Variants in SHANK2 observed in about 807,000 individuals in gnomAD.
SHANK2 encodes SH3 and multiple ankyrin repeat domains protein 2.
In SHANK2, 43 loss-of-function variants were observed where a neutral mutation model predicts 133.7. The ratio of observed to expected loss-of-function variants is 0.32; its 90% confidence interval spans 0.25 to 0.41. The LOEUF is 0.41. SHANK2 is among the 10% of genes least tolerant of loss of function. The pLI is 1.00. For synonymous variants in SHANK2, 1,017 were observed against 952.8 expected (o/e 1.07, Z -1.24); for missense variants, 1,994 against 2,235.8 (o/e 0.89, Z 2.18).
At chr11:70,671,091 A>G (rs1944794551) in intron 15 of SHANK2, among the ~76,000 whole-genome samples, 1 of 152,228 alleles carries the variant, frequency 6.6e-6, no homozygotes, top group African/African-American at 2.4e-5. Context: ...ATGTACAAAG[A>G]ACTTGATTCA....
chr11:70,831,796 C>T (rs189756313), intron 11 of SHANK2, among the ~76,000 whole-genome samples: 45 of 152,358 alleles, frequency 3.0e-4, no homozygotes, highest in Non-Finnish European at 6.0e-4. Context: ...CGTTCAGTGG[C>T]GATCAGACGC....
At chr11:70,885,763 G>A (rs1226090321) in intron 11 of SHANK2, among the ~76,000 whole-genome samples, 8 of 152,184 alleles carry the variant, frequency 5.3e-5, no homozygotes, top group African/African-American at 1.9e-4. Flanking sequence ...CAAGACGGCT[G>A]ATCCTCCAGC....
intron 9 of SHANK2, among the ~76,000 whole-genome samples, chr11:71,066,800 G>T (rs1220308327): frequency 2.6e-5 from 4 of 152,144 alleles, no homozygotes; most frequent in African/African-American, 7.2e-5. Flanking sequence ...ATTGGGACAG[G>T]GCTGGAACCT....
At chr11:70,581,327 G>A (rs1554985405) in intron 17 of SHANK2, among the ~76,000 whole-genome samples, 1 of 150,706 alleles carries the variant, frequency 6.6e-6, no homozygotes, top group East Asian at 2.0e-4. Flanking sequence ...TTACATTAAG[G>A]TTGTTGGTGC....
intron 14 of SHANK2, among the ~76,000 whole-genome samples, chr11:70,717,468 C>T (rs1023230714): frequency 9.2e-5 from 14 of 152,282 alleles, no homozygotes; most frequent in African/African-American, 2.4e-4. Context: ...CAGAAGCAGG[C>T]GAAAGCCGTG....
At chr11:71,238,045 G>C (rs1040259373) in intron 1 of SHANK2, among the ~76,000 whole-genome samples, 18 of 152,302 alleles carry the variant, frequency 1.2e-4, no homozygotes, top group South Asian at 2.1e-4. Flanking sequence ...CACGGACTGA[G>C]GGTGGGACTC....
At chr11:70,852,414 G>T (rs981926639) in intron 11 of SHANK2, among the ~76,000 whole-genome samples, 2 of 152,222 alleles carry the variant, frequency 1.3e-5, no homozygotes, top group African/African-American at 4.8e-5. Context: ...TTGTGTTTGT[G>T]GGATGCAGAG....
chr11:70,685,255 C>T (rs1278121159), intron 15 of SHANK2, among the ~76,000 whole-genome samples: 7 of 152,194 alleles, frequency 4.6e-5, no homozygotes, highest in African/African-American at 1.4e-4. Context: ...CTTTTGAACT[C>T]GCTTTTTCCA....
intron 1 of SHANK2, among the ~76,000 whole-genome samples, chr11:71,225,186 G>A (rs556007168): frequency 2.6e-5 from 4 of 152,288 alleles, no homozygotes; most frequent in South Asian, 4.1e-4. Flanking sequence ...CTAGGAAAGC[G>A]GCAGCTAACA....
chr11:71,139,054 T>C (rs1365662152), intron 3 of SHANK2, among the ~76,000 whole-genome samples: 3 of 152,036 alleles, frequency 2.0e-5, no homozygotes, highest in African/African-American at 7.2e-5. Flanking sequence ...GCAGTGCAAA[T>C]GCTTTTTCCT....
intron 14 of SHANK2, among the ~76,000 whole-genome samples, chr11:70,783,065 T>C (rs1947544800): frequency 2.0e-5 from 3 of 152,016 alleles, no homozygotes; most frequent in Admixed American, 2.0e-4. Context: ...TCTCTGTCTC[T>C]GTCTTTCTGC....
intron 9 of SHANK2, among the ~76,000 whole-genome samples, chr11:71,068,114 C>T (rs1171463748): frequency 1.3e-5 from 2 of 152,080 alleles, no homozygotes; most frequent in Non-Finnish European, 2.9e-5. Context: ...CATCACCTGC[C>T]GTCACTCACC....
rs570874992 is a variant in SHANK2 at position 70,469,642 on chromosome 11, CAAAAA to C, written c.*3222_*3226del. On this transcript the variant is annotated 3_prime_UTR_variant, in exon 26 of 26. Coordinates refer to ENST00000601538, the MANE Select transcript of SHANK2 (RefSeq NM_012309.5). ...GTGAAACATATTAGTATTTAAAAAA[CAAAAA>C]AAAATTGTTAATGGGAAAATCAATA... The C allele has an allele frequency of 6.8e-6, 1 of 147,976 alleles. No homozygotes were observed. Among genetic ancestry groups the C allele is most frequent in the Admixed American group, 6.7e-5 (1 of 14,862 alleles). The allele number at this position is 147,976 out of a possible 1,614,324, so 9.2% of individuals were successfully genotyped here.
intron 7 of SHANK2, among the ~76,000 whole-genome samples, chr11:71,094,175 G>C (rs1400148716): frequency 6.6e-6 from 1 of 152,098 alleles, no homozygotes; most frequent in African/African-American, 2.4e-5. Context: ...CTCAGGAATG[G>C]CTTAACACCA....
chr11:70,854,144 G>A (rs61885484), intron 11 of SHANK2, among the ~76,000 whole-genome samples: 1 of 152,146 alleles, frequency 6.6e-6, no homozygotes, highest in African/African-American at 2.4e-5. Context: ...ATATGTACAC[G>A]CATTTACCCC....
chr11:71,088,317 C>T (rs1233881445), intron 8 of SHANK2, among the ~76,000 whole-genome samples: 1 of 152,196 alleles, frequency 6.6e-6, no homozygotes, highest in Non-Finnish European at 1.5e-5. Context: ...TACACACACA[C>T]ACATGCATGC....
At chr11:71,173,816 G>A (rs965340204) in intron 2 of SHANK2, among the ~76,000 whole-genome samples, 4 of 152,226 alleles carry the variant, frequency 2.6e-5, no homozygotes, top group East Asian at 1.9e-4. Flanking sequence ...CAAAGACAGG[G>A]AAGTGACCAG....
At chr11:71,113,884 G>A (rs1443601981) in intron 4 of SHANK2, among the ~76,000 whole-genome samples, 3 of 152,222 alleles carry the variant, frequency 2.0e-5, no homozygotes, top group African/African-American at 7.2e-5. Flanking sequence ...CCTCCAAACA[G>A]CAGCGCCTCC....
At chr11:70,593,655 A>G (rs1332131013) in intron 17 of SHANK2, among the ~76,000 whole-genome samples, 1 of 152,228 alleles carries the variant, frequency 6.6e-6, no homozygotes, top group African/African-American at 2.4e-5. Context: ...AACGGAGTGA[A>G]GAGTGAGCTA....
Sources: allele counts gnomAD v4.1 joint callset (sites outside exome capture counted in the v4.1 genomes callset), GRCh38; gene constraint gnomAD v4.1.1; transcripts MANE v1.5; gene names NCBI Gene and HGNC (gene_info 2026-07-23, HGNC 2026-07-21).